Variants in PPP1R12A observed in about 807,000 individuals in gnomAD.
PPP1R12A encodes the protein protein phosphatase 1 regulatory subunit 12A.
A neutral mutation model predicts 139.6 loss-of-function variants in PPP1R12A; 19 were observed. The observed-to-expected ratio is 0.14, with a 90% CI of 0.09 to 0.20. PPP1R12A has a LOEUF of 0.20. Among genes scored for constraint, PPP1R12A ranks in the 10% least tolerant of loss-of-function variants. The pLI is 1.00. For missense variants in PPP1R12A, 925 were observed against 1,211.5 expected (o/e 0.76, Z 3.51); for synonymous variants, 427 against 420.6 (o/e 1.02, Z -0.19).
chr12:79,807,636 C>T (rs188216528), intron 11 of PPP1R12A, among the ~76,000 whole-genome samples: 7 of 150,330 alleles, frequency 4.7e-5, no homozygotes, highest in Non-Finnish European at 7.4e-5. Flanking sequence ...TGTTATGTGC[C>T]GACAAAAAAA....
intron 2 of PPP1R12A, among the ~76,000 whole-genome samples, chr12:79,868,008 G>A (rs905402076): frequency 5.3e-5 from 8 of 152,150 alleles, no homozygotes; most frequent in Non-Finnish European, 1.5e-5. Context: ...TTACAACAGC[G>A]TGAGAATGGA....
chr12:79,775,958 T>C lies in PPP1R12A; in HGVS notation c.3064A>G (p.Ile1022Val). 6.3e-7 allele frequency: 1 copy of C among 1,596,770 alleles called. No individual in the cohort carries two copies. Among genetic ancestry groups the C allele is most frequent in the Non-Finnish European group, 8.5e-7 (1 of 1,170,862 alleles). ...TTGGAAAGTTTGCTTATAACTCTGATCAAGGCCCCATTTTCATCCTTTAGC... is the reference window on the plus strand; with the variant it reads ...TTGGAAAGTTTGCTTATAACTCTGACCAAGGCCCCATTTTCATCCTTTAGC... ...QRLKDENGAL[I>V]RVISKLSK The change falls in exon 25 of 25, where the codon ATC becomes GTC. Residue 1022 changes from isoleucine to valine, a missense_variant. Physicochemically the swap from Ile to Val is conservative, Grantham distance 29 (BLOSUM62 3). This residue lies in a region of PPP1R12A where 315 missense variants were observed against 363.4 expected (regional missense o/e 0.87). Coordinates refer to ENST00000450142, the MANE Select transcript of PPP1R12A (RefSeq NM_002480.3).
chr12:79,823,837 C>A (rs1288156735), intron 5 of PPP1R12A: 1 of 152,634 alleles, frequency 6.6e-6, no homozygotes, highest in Non-Finnish European at 1.5e-5. Flanking sequence ...CTCAGGCCCA[C>A]CTCCACCTCC....
chr12:79,915,641 C>A (rs1327445524), intron 1 of PPP1R12A, among the ~76,000 whole-genome samples: 3 of 152,070 alleles, frequency 2.0e-5, no homozygotes, highest in Non-Finnish European at 4.4e-5. Context: ...AATTAATACC[C>A]ATTATCTTTT....
intron 24 of PPP1R12A, among the ~76,000 whole-genome samples, chr12:79,776,403 A>G (rs933327425): frequency 1.4e-4 from 22 of 152,246 alleles, no homozygotes; most frequent in African/African-American, 5.1e-4. Flanking sequence ...TGTCAGACCT[A>G]AAATCATAAT....
intron 2 of PPP1R12A, among the ~76,000 whole-genome samples, chr12:79,867,049 G>A (rs1882047263): frequency 6.6e-6 from 1 of 152,150 alleles, no homozygotes; most frequent in Admixed American, 6.5e-5. Context: ...ATTCACAATA[G>A]AAAAACACTT....
At chr12:79,844,976 C>G (rs1279229196) in intron 3 of PPP1R12A, among the ~76,000 whole-genome samples, 1 of 152,168 alleles carries the variant, frequency 6.6e-6, no homozygotes, top group Non-Finnish European at 1.5e-5. Context: ...CCTTCTTGAC[C>G]ACACTATTTA....
At chr12:79,857,235 T>C (rs1383650867) in intron 2 of PPP1R12A, among the ~76,000 whole-genome samples, 2 of 152,068 alleles carry the variant, frequency 1.3e-5, no homozygotes, top group African/African-American at 2.4e-5. Flanking sequence ...ATATACACCA[T>C]GGAATACTAT....
At chr12:79,800,969 G>A (rs371105205) in intron 14 of PPP1R12A, among the ~76,000 whole-genome samples, 2 of 151,412 alleles carry the variant, frequency 1.3e-5, no homozygotes, top group Non-Finnish European at 2.9e-5. Flanking sequence ...TTCTGACCTC[G>A]TGATCCGCCC....
intron 1 of PPP1R12A, among the ~76,000 whole-genome samples, chr12:79,921,159 T>A (rs907510827): frequency 2.6e-5 from 4 of 152,098 alleles, no homozygotes; most frequent in African/African-American, 9.7e-5. Flanking sequence ...ATACAAAAGA[T>A]GATTTTTTTT....
intron 1 of PPP1R12A, among the ~76,000 whole-genome samples, chr12:79,908,501 T>G (rs1450601116): frequency 1.3e-5 from 2 of 152,308 alleles, no homozygotes; most frequent in African/African-American, 4.8e-5. Flanking sequence ...AGTTCTAAAC[T>G]TGGAATCAGA....
At chr12:79,780,592 T>C (rs895840941) in intron 23 of PPP1R12A, 5 of 152,214 alleles carry the variant, frequency 3.3e-5, no homozygotes, top group African/African-American at 9.6e-5. Context: ...TTTAAAATTG[T>C]GATTGTATTT....
At chr12:79,868,219 G>A (rs139534761) in intron 2 of PPP1R12A, among the ~76,000 whole-genome samples, 1 of 152,274 alleles carries the variant, frequency 6.6e-6, no homozygotes, top group Non-Finnish European at 1.5e-5. Context: ...TGCCACAGAT[G>A]TATAATGAAT....
At chr12:79,818,762 A>T (rs1875719899) in intron 8 of PPP1R12A, 1 of 152,250 alleles carries the variant, frequency 6.6e-6, no homozygotes, top group Non-Finnish European at 1.5e-5. Context: ...TTATGAGAAG[A>T]GAAAGAACAC....
At chr12:79,823,257 A>G (rs1876351698) in intron 5 of PPP1R12A, among the ~76,000 whole-genome samples, 1 of 152,040 alleles carries the variant, frequency 6.6e-6, no homozygotes, top group Non-Finnish European at 1.5e-5. Flanking sequence ...TCTTCTTTGT[A>G]TGTTATCCAG....
At chr12:79,908,415 T>C (rs1886300428) in intron 1 of PPP1R12A, among the ~76,000 whole-genome samples, 1 of 152,234 alleles carries the variant, frequency 6.6e-6, no homozygotes, top group Admixed American at 6.5e-5. Context: ...AATTTTTTGC[T>C]GAAACTAGGA....
At chr12:79,929,874 A>C (rs1888120475) in intron 1 of PPP1R12A, among the ~76,000 whole-genome samples, 1 of 152,216 alleles carries the variant, frequency 6.6e-6, no homozygotes, top group Non-Finnish European at 1.5e-5. Context: ...CATTATGTGC[A>C]AGAACAATAC....
At chr12:79,864,929 A>T (rs977064646) in intron 2 of PPP1R12A, among the ~76,000 whole-genome samples, 11 of 152,200 alleles carry the variant, frequency 7.2e-5, no homozygotes, top group African/African-American at 2.7e-4. Context: ...AACTATTCTG[A>T]TCAACAGAAA....
At chr12:79,894,730 A>G (rs1022400466) in intron 1 of PPP1R12A, among the ~76,000 whole-genome samples, 17 of 152,294 alleles carry the variant, frequency 1.1e-4, no homozygotes, top group African/African-American at 4.1e-4. Context: ...ACAAAAATGT[A>G]ATTTAACTTT....
Sources: gnomAD v4.1 joint callset for allele counts (sites outside exome capture counted in the v4.1 genomes callset) on GRCh38, gnomAD v4.1.1 for gene constraint, gnomAD v4.1.1 regional missense constraint, MANE v1.5 for transcripts, NCBI Gene and HGNC (gene_info 2026-07-23, HGNC 2026-07-21) for gene names.